TK2: variants seen among roughly 807,000 people sequenced by gnomAD.
TK2 encodes thymidine kinase 2, mitochondrial.
In TK2, 35 loss-of-function variants were observed where a neutral mutation model predicts 41.9. That is an observed-to-expected ratio of 0.84 (90% CI 0.64 to 1.11). The LOEUF (loss-of-function observed/expected upper bound fraction) is 1.11, where lower values mean the gene tolerates loss of function less well. Ranked by LOEUF, TK2 falls within the 50% of genes least tolerant of loss-of-function variation. TK2 has a pLI of 0.00. For missense variants in TK2, 320 were observed against 351.1 expected (o/e 0.91, Z 0.71); for synonymous variants, 128 against 129.1 (o/e 0.99, Z 0.06).
Position 66,537,029 on chromosome 16 carries a change from G to T in TK2, c.232-12C>A. Reference sequence around the variant, plus strand: ...GGCTCCGTTAACACCTGGAAGGAAAGAAAACATCAGAGCTACTGTTTCTCT... The same window carrying T: ...GGCTCCGTTAACACCTGGAAGGAAATAAAACATCAGAGCTACTGTTTCTCT... On this transcript the variant is annotated splice_polypyrimidine_tract_variant and intron_variant, in intron 3 of 9. Transcript: ENST00000544898. 1.9e-6 allele frequency: 3 copies of T among 1,614,092 alleles called. No individual in the cohort carries two copies. Among genetic ancestry groups the T allele is most frequent in the Non-Finnish European group, 1.7e-6 (2 of 1,180,006 alleles).
intron 4 of TK2, among the ~76,000 whole-genome samples, chr16:66,533,945 T>G (rs1195738065): frequency 6.8e-6 from 1 of 147,102 alleles, no homozygotes; most frequent in Non-Finnish European, 1.5e-5. Flanking sequence ...GAGGCGGAGC[T>G]TGCAGTGAGC....
Position 66,541,911 on chromosome 16 carries a change from G to C in TK2, c.199C>G (p.Leu67Val). The change falls in exon 3 of 10, where the codon CTG becomes GTG. Residue 67 changes from leucine (L) to valine (V), a missense_variant. By Grantham distance (32) the Leu-to-Val change is conservative (BLOSUM62 1). Coordinates refer to ENST00000544898, the MANE Select transcript of TK2 (RefSeq NM_004614.5). ...TCTGTCGCGTTGGAGAAGAATTCCA[G>C]GCATGTCGTCTTCCCACTTGCAATA... ...GNIASGKTTC[L>V]EFFSNATDVE... 6.2e-7 allele frequency: 1 copy of C among 1,614,124 alleles called. No individual in the cohort carries two copies. The highest frequency in any genetic ancestry group is 8.5e-7 in the Non-Finnish European group (1 of 1,180,016).
rs531631281 is a variant in TK2 at position 66,520,168 on chromosome 16, G to A, written c.450-2291C>T. On this transcript the variant is annotated intron_variant, in intron 6 of 9. Coordinates refer to ENST00000544898, the MANE Select transcript of TK2 (RefSeq NM_004614.5). Reference sequence around the variant, plus strand: ...CTCCCAGAAAACCTGGAGAAGCTGCGTGGGAGGCTGGAGGAGTGGGAAGGA... The same window carrying A: ...CTCCCAGAAAACCTGGAGAAGCTGCATGGGAGGCTGGAGGAGTGGGAAGGA... Among the ~76,000 whole-genome samples, 234 of 152,290 alleles carry A rather than the reference G, an allele frequency of 1.5e-3. 5 individuals are homozygous for A. Among genetic ancestry groups the A allele is most frequent in the Non-Finnish European group, 3.4e-4 (23 of 68,024 alleles).
chr16:66,515,461 C>A (rs1964584540), intron 8 of TK2, among the ~76,000 whole-genome samples: 1 of 152,262 alleles, frequency 6.6e-6, no homozygotes, highest in Non-Finnish European at 1.5e-5. Context: ...ATGGGGCCTG[C>A]ATGCCAGGCA....
intron 9 of TK2, 152 bp from the exon 10 acceptor site, chr16:66,512,218 C>T (rs1229204894): frequency 5.5e-6 from 4 of 730,872 alleles, no homozygotes; most frequent in Admixed American, 2.0e-5. Context: ...AGAGCCAAAT[C>T]GCTTTCAGCT....
Position 66,514,066 on chromosome 16 carries a change from C to T in TK2, c.619-255G>A, listed in dbSNP as rs2144341244. ...CACTGGGGGTTCGTGGGCACAAACA[C>T]TGGCCCTTCCCCTGGCGCCTGAATC... On this transcript the variant is annotated intron_variant, in intron 8 of 9. Transcript: ENST00000544898. This position sits in a 1 kb window ranked among gnomAD's most constrained non-coding sequence, Gnocchi z 4.2. Among the ~76,000 whole-genome samples the T allele has an allele frequency of 6.6e-6, 1 of 152,312 alleles. No homozygotes were observed. The highest frequency in any genetic ancestry group is 2.4e-5 in the African/African-American group (1 of 41,576).
At chr16:66,549,223 T>G in intron 1 of TK2, 2 of 1,425,918 alleles carry the variant, frequency 1.4e-6, no homozygotes, top group South Asian at 1.4e-5. Flanking sequence ...GGACCCCCAG[T>G]GTGCTCGAGT....
chr16:66,513,706 T>C, intron 9 of TK2, 25 bp downstream of exon 9: 1 of 1,608,654 alleles, frequency 6.2e-7, no homozygotes, highest in Non-Finnish European at 8.5e-7. Flanking sequence ...AACAGTCTCG[T>C]ACCCTGTAAG....
At chr16:66,520,479 AG>A in intron 6 of TK2, among the ~76,000 whole-genome samples, 1 of 152,296 alleles carries the variant, frequency 6.6e-6, no homozygotes, top group South Asian at 2.1e-4. Flanking sequence ...CAATCAGTGC[AG>A]GGCCTCCCCC....
intron 9 of TK2, among the ~76,000 whole-genome samples, chr16:66,512,999 T>C (rs1056801263): frequency 1.3e-5 from 2 of 152,082 alleles, no homozygotes; most frequent in Admixed American, 6.6e-5. Flanking sequence ...GCCAATCCCA[T>C]GTTGTATATG....
At chr16:66,527,957 G>A (rs867499263) in intron 6 of TK2, among the ~76,000 whole-genome samples, 2 of 152,182 alleles carry the variant, frequency 1.3e-5, no homozygotes, top group African/African-American at 4.8e-5. Context: ...GCTTGAGCCT[G>A]AGAGACGGAG....
At position 66,509,378 on chromosome 16, in the gene TK2, CTTCTT is replaced by C. The variant is rs1964382712; in HGVS notation, c.*2585_*2589del. 6.6e-6 allele frequency: 1 copy of C among 152,172 alleles called. No homozygotes were observed. Among genetic ancestry groups the C allele is most frequent in the African/African-American group, 2.4e-5 (1 of 41,438 alleles). The allele number at this position is 152,172 out of a possible 1,614,324, so 9.4% of individuals were successfully genotyped here. A position where few individuals can be genotyped will look rare whatever the true frequency, so the allele number is the denominator to read the frequency against. On this transcript the variant is annotated 3_prime_UTR_variant, in exon 10 of 10. Transcript: ENST00000544898. Reference sequence around the variant, plus strand: ...AAGCCCTGGACCACCCCACTACACACTTCTTTTATGTAAAAGATAAATATATTTCT... The same window carrying C: ...AAGCCCTGGACCACCCCACTACACACTTATGTAAAAGATAAATATATTTCT...
chr16:66,541,605 T>TG (rs1044229079), intron 3 of TK2, among the ~76,000 whole-genome samples: 4 of 152,090 alleles, frequency 2.6e-5, no homozygotes, highest in Non-Finnish European at 1.5e-5. Context: ...TTTGTAGAGA[T>TG]GGGGTCTCGC....
chr16:66,538,094 C>T (rs1965342272), intron 3 of TK2, among the ~76,000 whole-genome samples: 1 of 152,038 alleles, frequency 6.6e-6, no homozygotes, highest in Admixed American at 6.5e-5. Flanking sequence ...ACCCAGGAGG[C>T]AAAGGTTGCA....
chr16:66,518,217 C>G (rs1964674594), intron 6 of TK2: 4 of 343,426 alleles, frequency 1.2e-5, no homozygotes, highest in South Asian at 9.8e-5. Context: ...ATCAGCAAAC[C>G]AATTTCACTT....
chr16:66,549,059 C>T (rs1424918294), intron 1 of TK2, 50 bp from the exon 2 acceptor site: 1 of 1,611,030 alleles, frequency 6.2e-7, no homozygotes, highest in South Asian at 1.1e-5. Context: ...AATAACTCTC[C>T]TCTGCCCTAA....
rs766695386 is a variant in TK2, at chr16:66,517,414, G to C, written c.539-199C>G. ...AGCGGCCCCGTGGGGTCGTTTTGAG[G>C]CTGAATGGGATTCTGTTCATAGACA... On this transcript the variant is annotated intron_variant, in intron 7 of 9. Coordinates refer to ENST00000544898, the MANE Select transcript of TK2 (RefSeq NM_004614.5). This position sits in a 1 kb window ranked among gnomAD's most constrained non-coding sequence, Gnocchi z 4.3. The C allele has an allele frequency of 7.3e-5, 48 of 656,804 alleles. No homozygotes were observed. Among genetic ancestry groups the C allele is most frequent in the Non-Finnish European group, 1.2e-4 (45 of 364,106 alleles). The allele number at this position is 656,804 out of a possible 1,614,324, so 40.7% of individuals were successfully genotyped here. A position where few individuals can be genotyped will look rare whatever the true frequency, so the allele number is the denominator to read the frequency against.
At chr16:66,549,145 C>G in intron 1 of TK2, 136 bp from the exon 2 acceptor site, 1 of 1,533,392 alleles carries the variant, frequency 6.5e-7, no homozygotes, top group Non-Finnish European at 8.8e-7. Flanking sequence ...TTTGGGCGCC[C>G]TCCGAGATTG....
Position 66,510,388 on chromosome 16 carries a change from C to T in TK2, c.*1580G>A, listed in dbSNP as rs903073251. On this transcript the variant is annotated 3_prime_UTR_variant, in exon 10 of 10. Coordinates refer to ENST00000544898, the MANE Select transcript of TK2 (RefSeq NM_004614.5). ...CCAGTTTTCCAGCTAATTAGCAGCA[C>T]GTGGGCTACAGGTGCTGCTAGACAC... 5 of 152,262 alleles carry T rather than the reference C, an allele frequency of 3.3e-5. No homozygotes were observed. Among genetic ancestry groups the T allele is most frequent in the African/African-American group, 1.2e-4 (5 of 41,464 alleles). The allele number at this position is 152,262 out of a possible 1,614,324, so 9.4% of individuals were successfully genotyped here. A position where few individuals can be genotyped will look rare whatever the true frequency, so the allele number is the denominator to read the frequency against.
Sources: allele counts gnomAD v4.1 joint callset (sites outside exome capture counted in the v4.1 genomes callset), GRCh38; gene constraint gnomAD v4.1.1; non-coding constraint Gnocchi (gnomAD v3.1); transcripts MANE v1.5; gene names NCBI Gene and HGNC (gene_info 2026-07-23, HGNC 2026-07-21).